The following CNTN5 variants were observed in gnomAD, a reference collection of about 807,000 sequenced individuals.
The protein encoded by CNTN5 is contactin 5.
Under a neutral mutation model 129.1 loss-of-function variants are expected in CNTN5, and 77 were observed. That is an observed-to-expected ratio of 0.60 (90% confidence interval 0.50 to 0.72). The LOEUF (loss-of-function observed/expected upper bound fraction) is 0.72. CNTN5 is among the 30% of genes least tolerant of loss of function. The pLI is 0.00. For missense variants in CNTN5, 1,478 were observed against 1,328.8 expected (o/e 1.11, Z -1.75); for synonymous variants, 509 against 465.6 (o/e 1.09, Z -1.20).
chr11:99,900,775 A>T (rs1400755338), intron 6 of CNTN5, among the ~76,000 whole-genome samples: 1 of 152,166 alleles, frequency 6.6e-6, no homozygotes, highest in East Asian at 1.9e-4. Flanking sequence ...ATTGATATTG[A>T]TACATGATGT....
chr11:99,805,824 T>C (rs1299793599), intron 3 of CNTN5, among the ~76,000 whole-genome samples: 1 of 152,186 alleles, frequency 6.6e-6, no homozygotes, highest in Admixed American at 6.5e-5. Flanking sequence ...CAACTGTCAT[T>C]TTCTAAAAGG....
In CNTN5 at chr11:100,358,620, G is replaced by A. The variant is rs936461906; in HGVS notation, c.*2400G>A. 2.0e-5 allele frequency: 3 copies of A among 151,768 alleles called. No individual in the cohort carries two copies. Among genetic ancestry groups the A allele is most frequent in the East Asian group, 1.9e-4 (1 of 5,192 alleles). The allele number at this position is 151,768 out of a possible 1,614,324, so 9.4% of individuals were successfully genotyped here. On this transcript the variant is annotated 3_prime_UTR_variant, in exon 25 of 25. Coordinates refer to ENST00000524871, the MANE Select transcript of CNTN5 (RefSeq NM_014361.4). ...AACCACAGTCTTAAATCACTAAAGA[G>A]ACTGTATTTTTGTATAATGTCCATT...
intron 9 of CNTN5, among the ~76,000 whole-genome samples, chr11:100,016,926 TA>T (rs764471264): frequency 6.1e-4 from 93 of 151,878 alleles, no homozygotes; most frequent in Non-Finnish European, 8.5e-4. Context: ...CAAAGCTTTA[TA>T]AGGATGATTT....
intron 21 of CNTN5, among the ~76,000 whole-genome samples, chr11:100,314,143 C>T (rs1951530187): frequency 6.6e-6 from 1 of 152,126 alleles, no homozygotes; most frequent in Non-Finnish European, 1.5e-5. Context: ...CAGCACCTTA[C>T]TTGATGTGGA....
intron 3 of CNTN5, among the ~76,000 whole-genome samples, chr11:99,610,104 C>A (rs1392198194): frequency 6.6e-6 from 1 of 152,100 alleles, no homozygotes; most frequent in Non-Finnish European, 1.5e-5. Flanking sequence ...CTTTGTCAGT[C>A]TAGTTCAAAA....
chr11:99,120,255 C>T (rs1007098366), intron 1 of CNTN5: 5 of 152,202 alleles, frequency 3.3e-5, no homozygotes, highest in African/African-American at 9.6e-5. Context: ...TGATTCGGCT[C>T]ATCTGGCTAG....
At chr11:99,520,271 G>T (rs1947226106) in intron 2 of CNTN5, among the ~76,000 whole-genome samples, 1 of 152,056 alleles carries the variant, frequency 6.6e-6, no homozygotes, top group Non-Finnish European at 1.5e-5. Flanking sequence ...TAACCTGGCT[G>T]TAAGAAATTA....
At chr11:99,421,924 C>T (rs1314032872) in intron 2 of CNTN5, among the ~76,000 whole-genome samples, 3 of 152,120 alleles carry the variant, frequency 2.0e-5, no homozygotes, top group Non-Finnish European at 4.4e-5. Flanking sequence ...TTACATGCAT[C>T]ACAAATTTTC....
chr11:99,521,579 TAAA>T (rs1259034606), intron 2 of CNTN5, among the ~76,000 whole-genome samples: 1 of 152,092 alleles, frequency 6.6e-6, no homozygotes, highest in Non-Finnish European at 1.5e-5. Context: ...AGGAGAGGAA[TAAA>T]AAAAGGACAC....
At chr11:100,330,176 G>C (rs532849429) in intron 21 of CNTN5, among the ~76,000 whole-genome samples, 1 of 152,230 alleles carries the variant, frequency 6.6e-6, no homozygotes, top group South Asian at 2.1e-4. Flanking sequence ...TTAGAAAAAT[G>C]CAAAATGCAC....
intron 2 of CNTN5, among the ~76,000 whole-genome samples, chr11:99,414,083 T>A (rs1292682257): frequency 6.6e-6 from 1 of 152,146 alleles, no homozygotes; most frequent in Non-Finnish European, 1.5e-5. Context: ...CAGTGTTAAT[T>A]AGTTGATATT....
intron 2 of CNTN5, among the ~76,000 whole-genome samples, chr11:99,443,790 AT>A (rs1279796979): frequency 6.6e-6 from 1 of 152,140 alleles, no homozygotes; most frequent in Non-Finnish European, 1.5e-5. Context: ...TGGGTCATTA[AT>A]TTTACCAGTC....
intron 2 of CNTN5, among the ~76,000 whole-genome samples, chr11:99,359,352 C>T (rs1938935066): frequency 6.6e-6 from 1 of 151,988 alleles, no homozygotes; most frequent in Non-Finnish European, 1.5e-5. Context: ...TTCATGAGGG[C>T]AGAGTCCTCA....
chr11:100,016,437 T>C (rs570659144), intron 9 of CNTN5, among the ~76,000 whole-genome samples: 1 of 152,224 alleles, frequency 6.6e-6, no homozygotes, highest in South Asian at 2.1e-4. Flanking sequence ...AAATAAATGA[T>C]TATACATGTG....
intron 10 of CNTN5, among the ~76,000 whole-genome samples, chr11:100,063,048 T>C (rs1943545309): frequency 6.6e-6 from 1 of 152,124 alleles, no homozygotes; most frequent in African/African-American, 2.4e-5. Flanking sequence ...ATGTAAAGCA[T>C]GCCTGTTACT....
At chr11:100,153,786 A>G (rs1947141837) in intron 13 of CNTN5, among the ~76,000 whole-genome samples, 1 of 152,060 alleles carries the variant, frequency 6.6e-6, no homozygotes, top group Non-Finnish European at 1.5e-5. Context: ...TAATTTGATG[A>G]CCGTATATAA....
At chr11:100,090,560 C>G (rs1391912486) in intron 13 of CNTN5, among the ~76,000 whole-genome samples, 3 of 119,932 alleles carry the variant, frequency 2.5e-5, no homozygotes, top group African/African-American at 6.6e-5. Context: ...CCCTCCCTCC[C>G]TCCCTCCTTC....
At chr11:99,280,833 C>T (rs894432362) in intron 1 of CNTN5, among the ~76,000 whole-genome samples, 1 of 151,564 alleles carries the variant, frequency 6.6e-6, no homozygotes, top group Non-Finnish European at 1.5e-5. Context: ...GCAGAAATAA[C>T]ATATGAATGA....
At chr11:99,346,936 G>C (rs1416981457) in intron 2 of CNTN5, among the ~76,000 whole-genome samples, 1 of 152,198 alleles carries the variant, frequency 6.6e-6, no homozygotes, top group African/African-American at 2.4e-5. Flanking sequence ...ATAACTATTT[G>C]TTATAGAAGC....
Sources: gnomAD v4.1 joint callset for allele counts (sites outside exome capture counted in the v4.1 genomes callset) on GRCh38, gnomAD v4.1.1 for gene constraint, MANE v1.5 for transcripts, NCBI Gene and HGNC (gene_info 2026-07-23, HGNC 2026-07-21) for gene names.